Variants in CNTNAP2 observed in about 807,000 individuals in gnomAD.
CNTNAP2 encodes the protein contactin associated protein 2.
CNTNAP2 carries 98 observed loss-of-function variants against 155.2 expected under a neutral mutation model. That is an observed-to-expected ratio of 0.63 (90% CI 0.54 to 0.75). CNTNAP2 has a LOEUF of 0.75. Ranked by LOEUF, CNTNAP2 falls within the 30% of genes least tolerant of loss-of-function variation. The probability of loss-of-function intolerance (pLI) is 0.00; values close to 1 mark genes in which losing one functional copy is unlikely to be tolerated. For missense variants in CNTNAP2, 1,727 were observed against 1,688.1 expected (o/e 1.02, Z -0.40); for synonymous variants, 651 against 631.2 (o/e 1.03, Z -0.47).
chr7:146,917,038 A>G (rs1181814628), intron 3 of CNTNAP2, among the ~76,000 whole-genome samples: 1 of 152,128 alleles, frequency 6.6e-6, no homozygotes, highest in East Asian at 1.9e-4. Context: ...ATTCAGTTCA[A>G]AGAAATTTTT....
intron 20 of CNTNAP2, among the ~76,000 whole-genome samples, chr7:148,261,738 CA>C (rs1394718886): frequency 6.6e-6 from 1 of 152,100 alleles, no homozygotes; most frequent in Non-Finnish European, 1.5e-5. Context: ...GACACACGTC[CA>C]GAGGTCTGTG....
chr7:146,178,347 T>G (rs1242049818), intron 1 of CNTNAP2, among the ~76,000 whole-genome samples: 1 of 152,202 alleles, frequency 6.6e-6, no homozygotes, highest in Non-Finnish European at 1.5e-5. Flanking sequence ...ACATATTCTT[T>G]ATGTGCTTGT....
intron 1 of CNTNAP2, among the ~76,000 whole-genome samples, chr7:146,661,700 G>A (rs1800091156): frequency 6.7e-6 from 1 of 149,972 alleles, no homozygotes; most frequent in South Asian, 2.1e-4. Flanking sequence ...ATGAACATTG[G>A]AGAGTTTTTC....
intron 21 of CNTNAP2, among the ~76,000 whole-genome samples, chr7:148,365,053 C>T (rs561913394): frequency 3.9e-5 from 6 of 152,258 alleles, no homozygotes; most frequent in South Asian, 2.1e-4. Flanking sequence ...ACAGTCACCG[C>T]GAGGGTCCGC....
intron 15 of CNTNAP2, among the ~76,000 whole-genome samples, chr7:148,083,352 G>A (rs1390258956): frequency 6.6e-6 from 1 of 152,150 alleles, no homozygotes; most frequent in Non-Finnish European, 1.5e-5. Context: ...GGGGGCAGTG[G>A]GTTTCTTCTG....
intron 13 of CNTNAP2, among the ~76,000 whole-genome samples, chr7:147,788,915 T>C (rs1281670861): frequency 7.2e-6 from 1 of 137,966 alleles, no homozygotes; most frequent in Non-Finnish European, 1.6e-5. Flanking sequence ...TTTTTTTTTT[T>C]TTTTTTTGAG....
chr7:146,491,870 G>A (rs1282742651), intron 1 of CNTNAP2, among the ~76,000 whole-genome samples: 1 of 152,054 alleles, frequency 6.6e-6, no homozygotes, highest in African/African-American at 2.4e-5. Context: ...TCTATTATGT[G>A]TCTGCTTGTG....
At chr7:146,143,642 A>C (rs1489253905) in intron 1 of CNTNAP2, among the ~76,000 whole-genome samples, 5 of 152,060 alleles carry the variant, frequency 3.3e-5, no homozygotes, top group African/African-American at 1.2e-4. Flanking sequence ...TCAAATATCT[A>C]CTCTCCTAAA....
intron 14 of CNTNAP2, among the ~76,000 whole-genome samples, chr7:147,909,445 C>T (rs2373273): frequency 0.53 from 80,409 of 151,948 alleles, 21,695 homozygotes; most frequent in Middle Eastern, 0.69. Context: ...AATGAGATTG[C>T]AGCTCAGAGC....
intron 3 of CNTNAP2, among the ~76,000 whole-genome samples, chr7:146,971,807 C>G (rs551053391): frequency 1.3e-5 from 2 of 152,110 alleles, no homozygotes; most frequent in African/African-American, 4.8e-5. Context: ...AATACCCCCA[C>G]CTGCTAATAC....
chr7:147,735,197 G>T (rs1020250690), intron 13 of CNTNAP2, among the ~76,000 whole-genome samples: 17 of 152,072 alleles, frequency 1.1e-4, no homozygotes, highest in Non-Finnish European at 2.4e-4. Flanking sequence ...ATTTAAATGT[G>T]TCCCAGAGAT....
intron 13 of CNTNAP2, among the ~76,000 whole-genome samples, chr7:147,738,349 C>T (rs1350450757): frequency 6.6e-6 from 1 of 152,192 alleles, no homozygotes; most frequent in Non-Finnish European, 1.5e-5. Flanking sequence ...CAAACAGCAT[C>T]ACACATTACA....
intron 8 of CNTNAP2, among the ~76,000 whole-genome samples, chr7:147,143,092 G>T (rs558831222): frequency 6.6e-6 from 1 of 151,864 alleles, no homozygotes; most frequent in Non-Finnish European, 1.5e-5. Context: ...TACTCCTAAC[G>T]CCACTCATGT....
At chr7:146,483,300 T>TATAC (rs1797000394) in intron 1 of CNTNAP2, among the ~76,000 whole-genome samples, 1 of 66,086 alleles carries the variant, frequency 1.5e-5, no homozygotes, top group Non-Finnish European at 2.7e-5. Context: ...TATATATATA[T>TATAC]ATATATATAT....
chr7:146,944,605 G>A (rs771209489), intron 3 of CNTNAP2, among the ~76,000 whole-genome samples: 44 of 152,236 alleles, frequency 2.9e-4, no homozygotes, highest in African/African-American at 6.3e-4. Context: ...CTGCCCAGGC[G>A]CGGGGGCTCA....
At chr7:147,695,619 G>C (rs1203402838) in intron 13 of CNTNAP2, among the ~76,000 whole-genome samples, 1 of 152,064 alleles carries the variant, frequency 6.6e-6, no homozygotes, top group Admixed American at 6.6e-5. Context: ...CCAACATGGT[G>C]AATGAAACAC....
intron 1 of CNTNAP2, among the ~76,000 whole-genome samples, chr7:146,357,257 CGAA>C: frequency 7.2e-6 from 1 of 138,612 alleles, no homozygotes; most frequent in East Asian, 2.1e-4. Flanking sequence ...AAAAAGAGGT[CGAA>C]ACAAAATAAA....
chr7:147,838,484 A>G (rs1336009136), intron 13 of CNTNAP2, among the ~76,000 whole-genome samples: 1 of 152,168 alleles, frequency 6.6e-6, no homozygotes, highest in African/African-American at 2.4e-5. Context: ...TGCCTTTAAG[A>G]GCACCCAAGT....
chr7:147,650,721 T>C (rs140601579), intron 13 of CNTNAP2, among the ~76,000 whole-genome samples: 2,275 of 152,202 alleles, frequency 0.015, 189 homozygotes, highest in Admixed American at 0.14. Context: ...GTTAAGTTTG[T>C]GGGGAGTCAA....
Sources: gnomAD v4.1 joint callset for allele counts (sites outside exome capture counted in the v4.1 genomes callset) on GRCh38, gnomAD v4.1.1 for gene constraint, MANE v1.5 for transcripts, NCBI Gene and HGNC (gene_info 2026-07-23, HGNC 2026-07-21) for gene names.